NTRK2: variants seen among roughly 807,000 people sequenced by gnomAD.
The protein encoded by NTRK2 is neurotrophic receptor tyrosine kinase 2.
A neutral mutation model predicts 94.5 loss-of-function variants in NTRK2; 13 were observed. The ratio of observed to expected loss-of-function variants is 0.14; its 90% CI spans 0.09 to 0.22. NTRK2 has a LOEUF of 0.22. Ranked by LOEUF, NTRK2 falls within the 10% of genes least tolerant of loss-of-function variation. The pLI is 1.00. For missense variants in NTRK2, 639 were observed against 1,071.2 expected (o/e 0.60, Z 5.63); for synonymous variants, 372 against 407.4 (o/e 0.91, Z 1.05).
intron 14 of NTRK2, among the ~76,000 whole-genome samples, chr9:84,901,404 G>A (rs1180377353): frequency 1.3e-5 from 2 of 151,494 alleles, no homozygotes; most frequent in Non-Finnish European, 2.9e-5. Flanking sequence ...GTGTGTGTGT[G>A]TGTATTTTTA....
intron 2 of NTRK2, among the ~76,000 whole-genome samples, chr9:84,684,392 A>G (rs557140510): frequency 6.6e-6 from 1 of 152,318 alleles, no homozygotes; most frequent in Non-Finnish European, 1.5e-5. Flanking sequence ...GAAGGAGTCC[A>G]GTTTCAATTT....
At chr9:84,764,923 T>A (rs2065896189) in intron 12 of NTRK2, among the ~76,000 whole-genome samples, 1 of 152,186 alleles carries the variant, frequency 6.6e-6, no homozygotes, top group Admixed American at 6.6e-5. Context: ...TGGATGGAAC[T>A]GGGGTCATTA....
intron 2 of NTRK2, among the ~76,000 whole-genome samples, chr9:84,696,274 G>A (rs992919932): frequency 9.9e-5 from 15 of 152,178 alleles, no homozygotes; most frequent in African/African-American, 3.4e-4. Flanking sequence ...AAAGTACTAG[G>A]ATTACAGGTG....
At chr9:84,875,312 A>G in intron 14 of NTRK2, 1 of 1,059,704 alleles carries the variant, frequency 9.4e-7, no homozygotes, top group Non-Finnish European at 1.1e-6. Context: ...GCAGGGGTTA[A>G]GAGCGGGGGT....
intron 2 of NTRK2, among the ~76,000 whole-genome samples, chr9:84,681,332 G>A (rs913011876): frequency 7.2e-5 from 11 of 152,068 alleles, no homozygotes; most frequent in Admixed American, 2.0e-4. Context: ...GCCACAAACC[G>A]TGACTCTTCC....
At chr9:84,822,740 G>T (rs2072932528) in intron 12 of NTRK2, among the ~76,000 whole-genome samples, 1 of 152,118 alleles carries the variant, frequency 6.6e-6, no homozygotes, top group African/African-American at 2.4e-5. Context: ...CTCCCAGGAG[G>T]GTTCTGCCTT....
At chr9:84,820,169 C>CT (rs902886137) in intron 12 of NTRK2, among the ~76,000 whole-genome samples, 11,114 of 132,480 alleles carry the variant, frequency 0.084, 606 homozygotes, top group East Asian at 0.2. Context: ...TTCTTTCTTT[C>CT]TTTTTTTTTT....
At chr9:84,964,059 G>T (rs554680528) in intron 17 of NTRK2, among the ~76,000 whole-genome samples, 51 of 152,068 alleles carry the variant, frequency 3.4e-4, no homozygotes, top group Non-Finnish European at 6.5e-4. Flanking sequence ...CCTTAACCAG[G>T]TTCCGTTGAT....
At chr9:85,003,312 A>G (rs1830528117) in intron 17 of NTRK2, among the ~76,000 whole-genome samples, 1 of 152,364 alleles carries the variant, frequency 6.6e-6, no homozygotes, top group South Asian at 2.1e-4. Flanking sequence ...ATCTATTTCA[A>G]CAACTGTTTA....
At position 84,953,184 on chromosome 9, in the gene NTRK2, G is replaced by A. The variant is rs7026456; in HGVS notation, c.1938-2099G>A. 4.2e-3 allele frequency among the ~76,000 whole-genome samples: 642 copies of A among 152,276 alleles called. 3 individuals carry two copies. The highest frequency in any genetic ancestry group is 0.015 in the African/African-American group (609 of 41,548). ...ATTCACCTTTAGTGAAGTGGAAAGG[G>A]CCCACCCTCTAGTATCCTGAAGAGC... On this transcript the variant is annotated intron_variant, in intron 16 of 18. Transcript: ENST00000277120.
chr9:84,796,985 T>C (rs2069409009), intron 12 of NTRK2, among the ~76,000 whole-genome samples: 1 of 152,236 alleles, frequency 6.6e-6, no homozygotes, highest in Non-Finnish European at 1.5e-5. Context: ...CTGCATTTCT[T>C]TAAATATATT....
At chr9:84,919,342 G>A (rs2077492414) in intron 14 of NTRK2, among the ~76,000 whole-genome samples, 2 of 152,264 alleles carry the variant, frequency 1.3e-5, no homozygotes, top group South Asian at 4.1e-4. Context: ...AGTGATATTA[G>A]TGTCTTATCT....
intron 12 of NTRK2, among the ~76,000 whole-genome samples, chr9:84,852,505 T>C (rs980347257): frequency 6.6e-6 from 1 of 152,210 alleles, no homozygotes; most frequent in African/African-American, 2.4e-5. Context: ...ACTCTTATTA[T>C]TAAGCAGAGG....
intron 12 of NTRK2, among the ~76,000 whole-genome samples, chr9:84,759,226 G>C (rs1237972071): frequency 2.0e-5 from 3 of 152,258 alleles, no homozygotes; most frequent in African/African-American, 7.2e-5. Flanking sequence ...CCGTGTGTTT[G>C]TGAGGTGAGG....
rs1349303529 is a variant in NTRK2 at position 84,870,331 on chromosome 9, G to GTGTGTGTATA, written c.1633+2901_1633+2902insGTGTGTATAT. Among the ~76,000 whole-genome samples, 161 of 31,168 alleles carry GTGTGTGTATA rather than the reference G, an allele frequency of 5.2e-3. 3 individuals carry two copies. Among genetic ancestry groups the GTGTGTGTATA allele is most frequent in the African/African-American group, 0.013 (152 of 11,332 alleles). The allele number at this position is 31,168 out of a possible 152,430, so 20.4% of individuals were successfully genotyped here. On this transcript the variant is annotated intron_variant, in intron 14 of 18. Transcript: ENST00000277120. Reference sequence around the variant, plus strand: ...ATACATATATGTGGGGTGTGTGTGTGTATATATATATATATATATATATAT... The same window carrying GTGTGTGTATA: ...ATACATATATGTGGGGTGTGTGTGTGTGTGTGTATATATATATATATATATATATATATAT...
At chr9:84,872,396 G>A (rs202229781) in intron 14 of NTRK2, 53 of 1,088,590 alleles carry the variant, frequency 4.9e-5, no homozygotes, top group Non-Finnish European at 5.1e-5. Context: ...TTCTCCCGTC[G>A]GAGCAAACAC....
At chr9:84,762,015 G>A (rs1486002349) in intron 12 of NTRK2, among the ~76,000 whole-genome samples, 1 of 151,948 alleles carries the variant, frequency 6.6e-6, no homozygotes, top group Non-Finnish European at 1.5e-5. Flanking sequence ...AGTCTCACAC[G>A]ATCTGAGGTT....
intron 2 of NTRK2, among the ~76,000 whole-genome samples, chr9:84,678,547 T>A (rs2059199865): frequency 6.6e-6 from 1 of 152,222 alleles, no homozygotes; most frequent in Admixed American, 6.5e-5. Flanking sequence ...ATGCCTGAAT[T>A]GTCTGACTCT....
intron 9 of NTRK2, among the ~76,000 whole-genome samples, chr9:84,732,406 A>T (rs1406195357): frequency 6.6e-6 from 1 of 152,002 alleles, no homozygotes; most frequent in East Asian, 1.9e-4. Flanking sequence ...CTGGGATGGG[A>T]GTTGGGCTTT....
Sources: gnomAD v4.1 joint callset for allele counts (sites outside exome capture counted in the v4.1 genomes callset) on GRCh38, gnomAD v4.1.1 for gene constraint, MANE v1.5 for transcripts, NCBI Gene and HGNC (gene_info 2026-07-23, HGNC 2026-07-21) for gene names.